ALG9: variants seen among roughly 807,000 people sequenced by gnomAD.
ALG9 encodes ALG9 alpha-1,2-mannosyltransferase, also known as alpha-1,2-mannosyltransferase ALG9.
Under a neutral mutation model 81.8 loss-of-function variants are expected in ALG9, and 55 were observed. The observed-to-expected ratio is 0.67, with a 90% CI of 0.54 to 0.84. The LOEUF (loss-of-function observed/expected upper bound fraction) is 0.84. ALG9 is among the 40% of genes least tolerant of loss of function. The pLI is 0.00. For synonymous variants in ALG9, 278 were observed against 274.3 expected (o/e 1.01, Z -0.13); for missense variants, 629 against 745.0 (o/e 0.84, Z 1.81).
chr11:111,826,518 G>A (rs112874422), intron 13 of ALG9, among the ~76,000 whole-genome samples: 1,716 of 152,078 alleles, frequency 0.011, 47 homozygotes, highest in African/African-American at 0.04. Context: ...TCTCCTGGTA[G>A]GTTTTTTTAT....
At chr11:111,834,263 G>C (rs1954853070) in intron 13 of ALG9, among the ~76,000 whole-genome samples, 2 of 152,208 alleles carry the variant, frequency 1.3e-5, no homozygotes, top group South Asian at 2.1e-4. Context: ...AGTGTGAGAA[G>C]AGACACAAGG....
At chr11:111,826,490 T>A (rs2136659847) in intron 13 of ALG9, among the ~76,000 whole-genome samples, 1 of 152,160 alleles carries the variant, frequency 6.6e-6, no homozygotes, top group East Asian at 1.9e-4. Context: ...AGACAACCAC[T>A]CAACTCTTCC....
chr11:111,853,720 C>G lies in ALG9; in HGVS notation c.718G>C (p.Asp240His), dbSNP rs1555141085. 1 of 1,614,000 alleles carries G rather than the reference C, an allele frequency of 6.2e-7. No individual in the cohort carries two copies. Among genetic ancestry groups the G allele is most frequent in the South Asian group, 1.1e-5 (1 of 91,068 alleles). Reference protein sequence around the residue: ...SAALGLPIAFDLLVMKHRWKS... With the variant: ...SAALGLPIAFHLLVMKHRWKS... The stretch of plus-strand genomic sequence containing the variant: ...CACCTGTGTTTCATGACCAGCAAAT[C>G]AAAGGCAATGGGTAAACTATTTAAC... Residue 240 changes from aspartate (D) to histidine (H), a missense_variant, in exon 7 of 15, where the codon GAT becomes CAT. Physicochemically the swap from Asp to His is moderately conservative, Grantham distance 81 (BLOSUM62 -1). Around this residue, in one of 3 missense-constraint regions of ALG9, gnomAD observed 344 missense variants for 390.5 expected, o/e 0.88. Coordinates refer to ENST00000616540, the MANE Select transcript of ALG9 (RefSeq NM_024740.2).
At position 111,856,791 on chromosome 11, in the gene ALG9, A is replaced by G. The variant is rs560776864; in HGVS notation, c.701+811T>C. 3.7e-4 allele frequency among the ~76,000 whole-genome samples: 56 copies of G among 152,224 alleles called. 2 individuals carry two copies. In the South Asian group the frequency reaches 0.011, roughly 31 times the overall value. ...GAGTATACAAGGAGCTTGGTGGAAA[A>G]AAAGATGCTGGGGGCAAGAAAGAAG... On this transcript the variant is annotated intron_variant, in intron 6 of 14. Transcript: ENST00000616540.
Position 111,856,060 on chromosome 11 carries a change from C to T in ALG9, c.701+1542G>A, listed in dbSNP as rs142906866. ...TTGGGAGGCCGAGACAGGTGGATCA[C>T]GAGGTCAGGAGTTCGAGACCAGCCT... On this transcript the variant is annotated intron_variant, in intron 6 of 14. Coordinates refer to ENST00000616540, the MANE Select transcript of ALG9 (RefSeq NM_024740.2). Among the ~76,000 whole-genome samples, 6 of 152,044 alleles carry T rather than the reference C, an allele frequency of 3.9e-5. No homozygotes were observed. The East Asian group carries it at 9.7e-4, about 25-fold the overall frequency.
rs538884460 is a variant in ALG9, at chr11:111,797,522, A to G, written c.1734-11002T>C. Among the ~76,000 whole-genome samples, 9 of 152,368 alleles carry G rather than the reference A, an allele frequency of 5.9e-5. No homozygotes were observed. In the East Asian group the frequency reaches 1.5e-3, roughly 26 times the overall value. ...GCCCATCAACTCCCAGAACCACGAGAAGAAACAATAATCAACTATTGTTGT... is the reference window on the plus strand; with the variant it reads ...GCCCATCAACTCCCAGAACCACGAGGAGAAACAATAATCAACTATTGTTGT... On this transcript the variant is annotated intron_variant, in intron 14 of 14. Coordinates refer to ENST00000616540, the MANE Select transcript of ALG9 (RefSeq NM_024740.2).
Position 111,784,995 on chromosome 11 carries a change from A to G in ALG9, c.*1402T>C, listed in dbSNP as rs568209737. Reference sequence around the variant, plus strand: ...ACTGGAGGCTCCAAAGAACTCAAATACAGACACAATTCTTCCTTAAAATAG... The same window carrying G: ...ACTGGAGGCTCCAAAGAACTCAAATGCAGACACAATTCTTCCTTAAAATAG... On this transcript the variant is annotated 3_prime_UTR_variant, in exon 15 of 15. Transcript: ENST00000616540. 121 of 152,784 alleles carry G rather than the reference A, an allele frequency of 7.9e-4. No homozygotes were observed. The highest frequency in any genetic ancestry group is 2.8e-3 in the African/African-American group (115 of 41,584). 9.5% of individuals were successfully genotyped at this position (152,784 alleles called of 1,614,324 possible).
intron 14 of ALG9, chr11:111,805,094 C>T: frequency 2.8e-6 from 1 of 353,804 alleles, no homozygotes; most frequent in Non-Finnish European, 5.6e-6. Context: ...AAACACTCAC[C>T]TATGTGATGG....
chr11:111,831,062 A>T (rs1371076843), intron 13 of ALG9, among the ~76,000 whole-genome samples: 1 of 151,968 alleles, frequency 6.6e-6, no homozygotes, highest in Non-Finnish European at 1.5e-5. Flanking sequence ...TTTTTTTTAA[A>T]CAGAGTCTCG....
the ALG9 span, among the ~76,000 whole-genome samples, chr11:111,776,184 C>CA: frequency 3.4e-3 from 510 of 150,048 alleles, 4 homozygotes; most frequent in Middle Eastern, 6.9e-3. Context: ...AAATAAATAA[C>CA]AAAAAATAAA....
intron 13 of ALG9, among the ~76,000 whole-genome samples, chr11:111,821,184 T>A (rs989024994): frequency 3.9e-5 from 6 of 152,212 alleles, no homozygotes; most frequent in African/African-American, 1.2e-4. Context: ...TTTTTTCCTA[T>A]AAGGTCCTAC....
downstream of ALG9, among the ~76,000 whole-genome samples, chr11:111,781,749 G>A (rs782731573): frequency 3.3e-5 from 5 of 152,160 alleles, no homozygotes; most frequent in Admixed American, 6.5e-5. Flanking sequence ...CCAGGTTCAA[G>A]TGATTCTCCT....
intron 8 of ALG9, among the ~76,000 whole-genome samples, chr11:111,851,917 T>C (rs1957896754): frequency 6.6e-6 from 1 of 152,224 alleles, no homozygotes; most frequent in African/African-American, 2.4e-5. Flanking sequence ...TTCTTTCACT[T>C]AGTAATTATT....
intron 5 of ALG9, among the ~76,000 whole-genome samples, chr11:111,858,528 G>T (rs1959067920): frequency 6.6e-6 from 1 of 152,194 alleles, no homozygotes; most frequent in African/African-American, 2.4e-5. Context: ...TGGCAGCAAT[G>T]CTTTGCACTC....
the ALG9 span, among the ~76,000 whole-genome samples, chr11:111,774,479 A>G: frequency 6.6e-6 from 1 of 152,254 alleles, no homozygotes; most frequent in Non-Finnish European, 1.5e-5. Context: ...TTGTATATGT[A>G]CCAAAAAACT....
downstream of ALG9, among the ~76,000 whole-genome samples, chr11:111,777,409 T>C (rs1356562138): frequency 1.3e-5 from 2 of 152,156 alleles, no homozygotes; most frequent in African/African-American, 4.8e-5. Context: ...CATCAAAAAC[T>C]GACATGAACT....
intron 8 of ALG9, among the ~76,000 whole-genome samples, chr11:111,846,560 A>G (rs1956979549): frequency 6.6e-6 from 1 of 152,170 alleles, no homozygotes; most frequent in Admixed American, 6.5e-5. Context: ...AATCATTTTT[A>G]TGTATTCAGA....
At chr11:111,811,617 A>G (rs1490118734) in intron 13 of ALG9, among the ~76,000 whole-genome samples, 1 of 152,054 alleles carries the variant, frequency 6.6e-6, no homozygotes, top group Non-Finnish European at 1.5e-5. Flanking sequence ...TGGTATATCC[A>G]TACCATTAAA....
intron 14 of ALG9, chr11:111,805,454 G>A: frequency 2.5e-6 from 1 of 401,248 alleles, no homozygotes; most frequent in Non-Finnish European, 4.9e-6. Context: ...GGCACATCCA[G>A]ACAATGGAAT....
Sources: allele counts gnomAD v4.1 joint callset (sites outside exome capture counted in the v4.1 genomes callset), GRCh38; gene constraint gnomAD v4.1.1; regional missense constraint gnomAD v4.1.1; transcripts MANE v1.5; gene names NCBI Gene and HGNC (gene_info 2026-07-23, HGNC 2026-07-21).